The following PHLDB1 variants were observed in gnomAD, a reference collection of about 807,000 sequenced individuals.
The protein encoded by PHLDB1 is pleckstrin homology-like domain family B member 1.
Under a neutral mutation model 139.3 loss-of-function variants are expected in PHLDB1, and 65 were observed. That is an observed-to-expected ratio of 0.47 (90% confidence interval 0.38 to 0.57). PHLDB1 has a LOEUF of 0.57. Ranked by LOEUF, PHLDB1 falls within the 20% of genes least tolerant of loss-of-function variation. PHLDB1 has a pLI of 0.00. For synonymous variants in PHLDB1, 679 were observed against 734.5 expected, an observed-to-expected ratio of 0.92 and a Z score of 1.22; for missense variants, 1,624 against 1,839.7, an observed-to-expected ratio of 0.88 and a Z score of 2.14.
In PHLDB1 at chr11:118,650,153, A is replaced by G; in HGVS notation, c.3731A>G (p.His1244Arg). The change falls in exon 19 of 23, where the codon CAT (histidine) becomes CGT (arginine). Residue 1244 changes from histidine to arginine, a missense_variant. By Grantham distance (29) the His-to-Arg change is conservative (BLOSUM62 0). Transcript: ENST00000600882. This position sits in a 1 kb window ranked among gnomAD's most constrained non-coding sequence, Gnocchi z 4.7. ...AAGACACATATTGAGTCATCGGGCC[A>G]TGGTGTTGATACCTGCCTGCACGTG... ...DLKTHIESSG[H>R]GVDTCLHVVL... 1 of 1,614,134 alleles carries G rather than the reference A, an allele frequency of 6.2e-7. No individual in the cohort carries two copies. Among genetic ancestry groups the G allele is most frequent in the African/African-American group, 1.3e-5 (1 of 75,044 alleles).
chr11:118,644,678 C>T (rs1173757145), intron 15 of PHLDB1: 8 of 1,289,724 alleles, frequency 6.2e-6, no homozygotes, highest in Admixed American at 4.6e-5. Context: ...CCCTCCCAAC[C>T]GACGACCCAG....
In PHLDB1 at chr11:118,638,874, C is replaced by G. The variant is rs984493876; in HGVS notation, c.2536-17C>G. The G allele has an allele frequency of 1.3e-6, 2 of 1,585,204 alleles. No individual in the cohort carries two copies. Among genetic ancestry groups the G allele is most frequent in the African/African-American group, 2.7e-5 (2 of 74,110 alleles). The stretch of plus-strand genomic sequence containing the variant: ...CCTGTCTCCCCAGGGCCTGATCAAC[C>G]ACCCCATCTCCTTTAGGAGCGCCTG... On this transcript the variant is annotated splice_polypyrimidine_tract_variant and intron_variant, in intron 10 of 22. Coordinates refer to ENST00000600882, the MANE Select transcript of PHLDB1 (RefSeq NM_001144758.3).
At chr11:118,647,305 T>G (rs10736493) in intron 17 of PHLDB1, 1,864 of 152,412 alleles carry the variant, frequency 0.012, 22 homozygotes, top group Middle Eastern at 0.027. Context: ...TTTTGAGTGC[T>G]TTCCAACTGG....
chr11:118,656,021 CAAAGA>C, intron 22 of PHLDB1, 129 bp downstream of exon 22: 1 of 736,212 alleles, frequency 1.4e-6, no homozygotes. Context: ...AAGCAGGTTG[CAAAGA>C]GCAAGAAGCT....
In PHLDB1 at chr11:118,627,820, G is replaced by C. The variant is rs1555104224; in HGVS notation, c.997G>C (p.Asp333His). The change falls in exon 6 of 23, where the codon GAC becomes CAC. Residue 333 changes from aspartate to histidine, a missense_variant. Asp to His is a moderately conservative substitution (Grantham distance 81). Coordinates refer to ENST00000600882, the MANE Select transcript of PHLDB1 (RefSeq NM_001144758.3). ...CCCTGGCCTCCGGGGTCTGCTGACAGACAGCCCTGCAGCTACTGTCTTGGC... is the reference window on the plus strand; with the variant it reads ...CCCTGGCCTCCGGGGTCTGCTGACACACAGCCCTGCAGCTACTGTCTTGGC... ...PSPGLRGLLT[D>H]SPAATVLAEA... 1.2e-6 allele frequency: 2 copies of C among 1,605,546 alleles called. No homozygotes were observed. The highest frequency in any genetic ancestry group is 2.2e-5 in the South Asian group (2 of 90,986).
chr11:118,632,345 G>A lies in PHLDB1; in HGVS notation c.2379+49G>A. 5.6e-6 allele frequency: 9 copies of A among 1,595,346 alleles called. No individual in the cohort carries two copies. The highest frequency in any genetic ancestry group is 7.7e-6 in the Non-Finnish European group (9 of 1,165,110). On this transcript the variant is annotated intron_variant, in intron 9 of 22. Transcript: ENST00000600882. This position sits in a 1 kb window ranked among gnomAD's most constrained non-coding sequence, Gnocchi z 5.9. ...AGTGCTGGGTACCAGTGGCCTGGGAGAGAAGGAGAAATGTCTTCTCTGGGG... is the reference window on the plus strand; with the variant it reads ...AGTGCTGGGTACCAGTGGCCTGGGAAAGAAGGAGAAATGTCTTCTCTGGGG...
At chr11:118,615,111 C>T (rs1181273318) in intron 3 of PHLDB1, 1 of 157,074 alleles carries the variant, frequency 6.4e-6, no homozygotes, top group African/African-American at 2.5e-5. Flanking sequence ...AGAAGAATCG[C>T]TTGAACCCAG....
intron 9 of PHLDB1, 25 bp from the exon 10 acceptor site, chr11:118,635,368 A>G (rs782129152): frequency 6.4e-7 from 1 of 1,553,462 alleles, no homozygotes; most frequent in African/African-American, 1.4e-5. Context: ...GCACCACCCA[A>G]CCCCCTTTGT....
chr11:118,641,294 T>C (rs1215607610), intron 12 of PHLDB1: 8 of 155,472 alleles, frequency 5.1e-5, no homozygotes, highest in African/African-American at 1.9e-4. Context: ...GATTCCCCCT[T>C]GGGCCTGGGT....
At chr11:118,625,614 G>T (rs1943723318) in intron 5 of PHLDB1, among the ~76,000 whole-genome samples, 2 of 152,182 alleles carry the variant, frequency 1.3e-5, no homozygotes, top group African/African-American at 4.8e-5. Context: ...GGGCAGGAGG[G>T]GTGCAGACCA....
chr11:118,627,758 G>A lies in PHLDB1; in HGVS notation c.935G>A (p.Arg312Gln), dbSNP rs782336198. 108 of 1,607,408 alleles carry A rather than the reference G, an allele frequency of 6.7e-5. No individual in the cohort carries two copies. Among genetic ancestry groups the A allele is most frequent in the Non-Finnish European group, 1.0e-5 (12 of 1,179,872 alleles). Residue 312 changes from arginine to glutamine, a missense_variant, in exon 6 of 23, where the codon CGG becomes CAG. Transcript: ENST00000600882. ...AGTGGTGCTCGCTCCGAGAGTCCTC[G>A]GCTGAGCAGGAAAGGGGGCCATGAG... The part of the protein sequence containing the change: ...RPSGARSESP[R>Q]LSRKGGHERP...
chr11:118,641,505 C>T, intron 12 of PHLDB1: 1 of 570,578 alleles, frequency 1.8e-6, no homozygotes, highest in Non-Finnish European at 2.6e-6. Flanking sequence ...AGGCTGCAGG[C>T]TCTGTACTTT....
chr11:118,624,290 G>A (rs1348411685), intron 4 of PHLDB1: 1 of 152,376 alleles, frequency 6.6e-6, no homozygotes, highest in Non-Finnish European at 1.5e-5. Context: ...TTCTGATTAA[G>A]AGAACTAGAT....
At chr11:118,614,934 C>G in intron 3 of PHLDB1, 1 of 413,374 alleles carries the variant, frequency 2.4e-6, no homozygotes. Context: ...TGGTGGCTCA[C>G]GCCTGTTATC....
intron 6 of PHLDB1, among the ~76,000 whole-genome samples, chr11:118,629,380 C>T (rs1944405322): frequency 6.6e-6 from 1 of 152,242 alleles, no homozygotes; most frequent in African/African-American, 2.4e-5. Context: ...CTGGAGATGG[C>T]ATCTGAGCTG....
Position 118,616,085 on chromosome 11 carries a change from G to A in PHLDB1, c.229G>A (p.Gly77Ser). 6.2e-7 allele frequency: 1 copy of A among 1,614,074 alleles called. No homozygotes were observed. The highest frequency in any genetic ancestry group is 8.5e-7 in the Non-Finnish European group (1 of 1,179,958). The change falls in exon 4 of 23, where the codon GGC (glycine) becomes AGC (serine). Residue 77 changes from glycine to serine, a missense_variant. Physicochemically the swap from Gly to Ser is moderately conservative, Grantham distance 56. Coordinates refer to ENST00000600882, the MANE Select transcript of PHLDB1 (RefSeq NM_001144758.3). ...GSAARDISLQ[G>S]PGLAPEHCYI... ...TGCAGCCAGAGACATCTCACTACAG[G>A]GCCCAGGCCTGGCTCCAGAGCACTG... is the stretch of plus-strand genomic sequence containing the variant.
chr11:118,644,078 C>T lies in PHLDB1; in HGVS notation c.3025C>T (p.Leu1009=). 2 of 1,613,822 alleles carry T rather than the reference C, an allele frequency of 1.2e-6. No individual in the cohort carries two copies. The highest frequency in any genetic ancestry group is 8.5e-7 in the Non-Finnish European group (1 of 1,179,822). ...ACTCTCCATTCCTCTGCAGAGCGCT[C>T]TACTCACCCAGAATGGCACGGGCAG... is the stretch of plus-strand genomic sequence containing the variant. ...LGRSPSPKSA[L]LTQNGTGSLP... Residue 1009 remains leucine (L), a synonymous_variant, in exon 15 of 23, where the codon CTA becomes TTA. Transcript: ENST00000600882.
In PHLDB1 at chr11:118,642,265, G is replaced by T; in HGVS notation, c.2748G>T (p.Leu916=). ...ATTCCCACCTCCAGATGGAGAAGCT[G>T]CTGCTCCCTGCTGTAGACTTAGAGC... The part of the protein sequence containing the change: ...TTSTLKEMEK[L]LLPAVDLEQW... Residue 916 remains leucine, a synonymous_variant, in exon 13 of 23, where the codon CTG becomes CTT. Coordinates refer to ENST00000600882, the MANE Select transcript of PHLDB1 (RefSeq NM_001144758.3). 2 of 1,612,506 alleles carry T rather than the reference G, an allele frequency of 1.2e-6. No homozygotes were observed. Among genetic ancestry groups the T allele is most frequent in the South Asian group, 1.1e-5 (1 of 91,056 alleles).
chr11:118,655,712 A>G (rs1224063853), intron 21 of PHLDB1, 22 bp downstream of exon 21: 3 of 1,584,320 alleles, frequency 1.9e-6, no homozygotes, highest in Non-Finnish European at 2.6e-6. Flanking sequence ...AGGGCACCAG[A>G]GGGGGGCCAG....
Sources: gnomAD v4.1 joint callset for allele counts (sites outside exome capture counted in the v4.1 genomes callset) on GRCh38, gnomAD v4.1.1 for gene constraint, Gnocchi (gnomAD v3.1) non-coding constraint, MANE v1.5 for transcripts, NCBI Gene and HGNC (gene_info 2026-07-23, HGNC 2026-07-21) for gene names.